The following RBFOX1 variants were observed in gnomAD, a reference collection of about 807,000 sequenced individuals.
The protein encoded by RBFOX1 is RNA binding protein fox-1 homolog 1.
In RBFOX1, 8 loss-of-function variants were observed where a neutral mutation model predicts 57.7. The observed-to-expected ratio is 0.14, with a 90% CI of 0.08 to 0.25. The LOEUF (loss-of-function observed/expected upper bound fraction) is 0.25. RBFOX1 is among the 10% of genes least tolerant of loss of function. The pLI is 1.00. For synonymous variants in RBFOX1, 326 were observed against 222.4 expected, an observed-to-expected ratio of 1.47 and a Z score of -4.15; for missense variants, 611 against 548.5, an observed-to-expected ratio of 1.11 and a Z score of -1.14.
chr16:7,459,294 C>A (rs1459147237), intron 4 of RBFOX1, among the ~76,000 whole-genome samples: 1 of 152,326 alleles, frequency 6.6e-6, no homozygotes, highest in African/African-American at 2.4e-5. Context: ...TTTTGAGACA[C>A]ACTTTCTGGA....
intron 4 of RBFOX1, among the ~76,000 whole-genome samples, chr16:7,403,612 T>C (rs1430602460): frequency 7.6e-6 from 1 of 130,754 alleles, no homozygotes; most frequent in African/African-American, 2.8e-5. Flanking sequence ...AATGGCACAA[T>C]CTCAGGTCAG....
chr16:6,810,190 C>G (rs761407465), intron 3 of RBFOX1, among the ~76,000 whole-genome samples: 3 of 152,124 alleles, frequency 2.0e-5, no homozygotes, highest in East Asian at 1.9e-4. Context: ...ATGTGTGCAA[C>G]TTGGAGTGGA....
chr16:6,608,932 C>T (rs1054144754), intron 2 of RBFOX1, among the ~76,000 whole-genome samples: 1 of 152,180 alleles, frequency 6.6e-6, no homozygotes, highest in Middle Eastern at 3.2e-3. Context: ...TTAGAATCCA[C>T]TCTGCTCCCT....
At chr16:5,628,873 C>G (rs922597342) in intron 3 of RBFOX1, among the ~76,000 whole-genome samples, 7 of 152,150 alleles carry the variant, frequency 4.6e-5, no homozygotes, top group African/African-American at 1.7e-4. Flanking sequence ...TAGCATCTGA[C>G]CTAAGCTAAG....
At chr16:7,582,523 C>T (rs1017852208) in intron 6 of RBFOX1, among the ~76,000 whole-genome samples, 1 of 152,098 alleles carries the variant, frequency 6.6e-6, no homozygotes, top group African/African-American at 2.4e-5. Flanking sequence ...GTCATGGAGC[C>T]GTTCTTGTTA....
At chr16:7,469,494 C>T (rs1333793063) in intron 4 of RBFOX1, among the ~76,000 whole-genome samples, 1 of 152,134 alleles carries the variant, frequency 6.6e-6, no homozygotes, top group Non-Finnish European at 1.5e-5. Context: ...CTCAGCTCAT[C>T]CTTCATATCT....
At chr16:6,758,206 C>T (rs1233651142) in intron 3 of RBFOX1, among the ~76,000 whole-genome samples, 1 of 152,042 alleles carries the variant, frequency 6.6e-6, no homozygotes, top group Non-Finnish European at 1.5e-5. Context: ...TCCAAGATAA[C>T]TTGGCATTGT....
At chr16:5,294,609 A>T (rs2333963) in intron 1 of RBFOX1, among the ~76,000 whole-genome samples, 1 of 151,968 alleles carries the variant, frequency 6.6e-6, no homozygotes, top group African/African-American at 2.4e-5. Context: ...AGGACTGTAC[A>T]TATTGAAACA....
intron 3 of RBFOX1, among the ~76,000 whole-genome samples, chr16:6,729,397 C>G (rs1274990863): frequency 1.3e-5 from 2 of 152,148 alleles, no homozygotes; most frequent in Non-Finnish European, 2.9e-5. Context: ...TTATCAAGTA[C>G]CTTTTATCTT....
intron 3 of RBFOX1, among the ~76,000 whole-genome samples, chr16:5,834,177 C>G (rs2056376775): frequency 6.6e-6 from 1 of 152,138 alleles, no homozygotes; most frequent in Admixed American, 6.5e-5. Context: ...TACATGGATT[C>G]ATTTTACAGT....
chr16:6,859,459 C>T (rs2058625395), intron 3 of RBFOX1, among the ~76,000 whole-genome samples: 1 of 151,848 alleles, frequency 6.6e-6, no homozygotes, highest in Non-Finnish European at 1.5e-5. Flanking sequence ...ACTTGATAAG[C>T]AGAAGAACAG....
intron 5 of RBFOX1, among the ~76,000 whole-genome samples, chr16:7,574,636 G>A (rs1602232747): frequency 6.6e-6 from 1 of 152,250 alleles, no homozygotes; most frequent in East Asian, 1.9e-4. Context: ...TTTTATCCTA[G>A]GCGTGTTGGC....
chr16:6,506,270 A>T (rs2096086630), intron 2 of RBFOX1, among the ~76,000 whole-genome samples: 1 of 151,990 alleles, frequency 6.6e-6, no homozygotes, highest in Admixed American at 6.6e-5. Flanking sequence ...TGGGGGAGAG[A>T]ATAGAGTGGG....
chr16:7,529,778 A>G (rs1386745630), intron 5 of RBFOX1, among the ~76,000 whole-genome samples: 1 of 151,940 alleles, frequency 6.6e-6, no homozygotes, highest in Non-Finnish European at 1.5e-5. Context: ...GGAGGCTGAG[A>G]CGGGCAGATC....
intron 4 of RBFOX1, among the ~76,000 whole-genome samples, chr16:7,083,662 AG>A (rs2059543242): frequency 6.6e-6 from 1 of 152,154 alleles, no homozygotes; most frequent in Non-Finnish European, 1.5e-5. Context: ...TTTTAAATCC[AG>A]ATTCTTATCC....
chr16:5,951,928 C>T (rs1428408305), intron 4 of RBFOX1, among the ~76,000 whole-genome samples: 1 of 151,386 alleles, frequency 6.6e-6, no homozygotes, highest in Non-Finnish European at 1.5e-5. Flanking sequence ...GACTAATTAC[C>T]AGGTACGTCA....
chr16:6,690,620 G>A (rs151280680), intron 3 of RBFOX1, among the ~76,000 whole-genome samples: 116 of 152,146 alleles, frequency 7.6e-4, no homozygotes, highest in African/African-American at 2.6e-3. Context: ...AGCAGGGATT[G>A]GTTGATTCGT....
rs535486331 is a variant in RBFOX1, at chr16:5,441,314, C to T, written c.220-25902C>T. On this transcript the variant is annotated intron_variant, in intron 1 of 2. Coordinates refer to the RBFOX1 transcript ENST00000585867. ...GTCAGTGTATTAGTCTGTTCTCATG[C>T]TGCTAATAAAGACATACCTGAGACT... 1.4e-4 allele frequency among the ~76,000 whole-genome samples: 21 copies of T among 150,862 alleles called. No individual in the cohort carries two copies. In the South Asian group the frequency reaches 4.0e-3, roughly 29 times the overall value.
In RBFOX1 at chr16:7,579,863, G is replaced by T. The variant is rs751076623; in HGVS notation, c.357G>T (p.Leu119=). The T allele has an allele frequency of 1.2e-6, 2 of 1,614,120 alleles. No individual in the cohort carries two copies. Among genetic ancestry groups the T allele is most frequent in the South Asian group, 2.2e-5 (2 of 91,082 alleles). Residue 119 remains leucine, a synonymous_variant, in exon 6 of 16, where the codon CTG becomes CTT. Transcript: ENST00000550418. ...AAAACAAGTCTCAGCCCAAGCGGCT[G>T]CATGTCTCCAATATCCCCTTCAGGT... ...NTENKSQPKR[L]HVSNIPFRFR...
Sources: gnomAD v4.1 joint callset for allele counts (sites outside exome capture counted in the v4.1 genomes callset) on GRCh38, gnomAD v4.1.1 for gene constraint, MANE v1.5 for transcripts, NCBI Gene and HGNC (gene_info 2026-07-23, HGNC 2026-07-21) for gene names.